Variants in DNAH11 observed in about 807,000 individuals in gnomAD.
DNAH11 encodes dynein axonemal heavy chain 11, also known as axonemal beta dynein heavy chain 11.
DNAH11 carries 442 observed loss-of-function variants against 526.0 expected under a neutral mutation model. The observed-to-expected ratio is 0.84, with a 90% CI of 0.78 to 0.91. The LOEUF (loss-of-function observed/expected upper bound fraction) is 0.91, where lower values mean the gene tolerates loss of function less well. Among genes scored for constraint, DNAH11 ranks in the 40% least tolerant of loss-of-function variants. DNAH11 has a pLI of 0.00. For missense variants in DNAH11, 6,989 were observed against 5,448.7 expected, an observed-to-expected ratio of 1.28 and a Z score of -8.90; for synonymous variants, 2,461 against 1,935.9, an observed-to-expected ratio of 1.27 and a Z score of -7.12.
intron 5 of DNAH11, among the ~76,000 whole-genome samples, chr7:21,562,254 T>G (rs1413179058): frequency 6.6e-6 from 1 of 152,210 alleles, no homozygotes; most frequent in African/African-American, 2.4e-5. Context: ...GTAGGATATT[T>G]AGCAGTATCT....
intron 25 of DNAH11, among the ~76,000 whole-genome samples, chr7:21,621,966 C>T (rs1786083531): frequency 6.6e-6 from 1 of 152,130 alleles, no homozygotes; most frequent in Non-Finnish European, 1.5e-5. Flanking sequence ...AAGTTCTGAC[C>T]AGGGCATTTT....
chr7:21,864,038 A>C (rs7809011), intron 69 of DNAH11, among the ~76,000 whole-genome samples: 1,810 of 152,320 alleles, frequency 0.012, 40 homozygotes, highest in African/African-American at 0.041. Flanking sequence ...CAATGTGTTT[A>C]GTTATACCTA....
chr7:21,836,355 A>G (rs1017957395), intron 65 of DNAH11, among the ~76,000 whole-genome samples: 5 of 152,164 alleles, frequency 3.3e-5, no homozygotes, highest in African/African-American at 1.2e-4. Context: ...AAAGTATACT[A>G]CAAAGCTGTA....
At chr7:21,745,976 C>T (rs1786132280) in intron 51 of DNAH11, among the ~76,000 whole-genome samples, 1 of 152,160 alleles carries the variant, frequency 6.6e-6, no homozygotes, top group Admixed American at 6.5e-5. Flanking sequence ...AGTTAGGCTG[C>T]AGCATAGAGA....
At chr7:21,696,809 G>A (rs1783872430) in intron 35 of DNAH11, among the ~76,000 whole-genome samples, 1 of 152,106 alleles carries the variant, frequency 6.6e-6, no homozygotes, top group African/African-American at 2.4e-5. Context: ...AGAGGAGTGG[G>A]TACCTCATAG....
In DNAH11 at chr7:21,870,595, G is replaced by C. The variant is rs77041584; in HGVS notation, c.11967+1604G>C. 6.7e-3 allele frequency among the ~76,000 whole-genome samples: 1,013 copies of C among 152,280 alleles called. 9 individuals are homozygous for C. The highest frequency in any genetic ancestry group is 0.023 in the African/African-American group (951 of 41,558). ...GCATTCTCATGCTCCCAGTGGCTCA[G>C]ACTGGAGAGAACACTAGGAGGGCTA... On this transcript the variant is annotated intron_variant, in intron 73 of 81. Coordinates refer to ENST00000409508, the MANE Select transcript of DNAH11 (RefSeq NM_001277115.2).
intron 28 of DNAH11, among the ~76,000 whole-genome samples, chr7:21,653,587 A>G (rs1237252156): frequency 2.0e-5 from 3 of 152,200 alleles, no homozygotes; most frequent in Non-Finnish European, 2.9e-5. Flanking sequence ...AAGCCATTCA[A>G]CATCTGTGTA....
At chr7:21,844,108 A>G (rs17145665) in intron 66 of DNAH11, among the ~76,000 whole-genome samples, 8,355 of 152,222 alleles carry the variant, frequency 0.055, 388 homozygotes, top group East Asian at 0.23. Context: ...TCTTTTGGTT[A>G]ATAAAATTTA....
Position 21,558,834 on chromosome 7 carries a change from C to T in DNAH11, c.528C>T (p.Asn176=). 6.2e-7 allele frequency: 1 copy of T among 1,601,290 alleles called. No individual in the cohort carries two copies. The highest frequency in any genetic ancestry group is 8.5e-7 in the Non-Finnish European group (1 of 1,174,842). ...TGCCAGTTCTTTCTAATAAGAACAA[C>T]CATAAGTCCTGGTCCTGTTTTACTT... ...ILVPVLSNKN[N]HKSWSCFTSQ... The change falls in exon 3 of 82, where the codon AAC becomes AAT. Residue 176 remains asparagine, a synonymous_variant. Coordinates refer to ENST00000409508, the MANE Select transcript of DNAH11 (RefSeq NM_001277115.2).
intron 30 of DNAH11, 84 bp from the exon 31 acceptor site, chr7:21,681,462 G>T: frequency 2.9e-6 from 4 of 1,396,014 alleles, no homozygotes; most frequent in East Asian, 2.4e-5. Flanking sequence ...AACTAAATCA[G>T]CCTTTACAAA....
At chr7:21,725,503 A>T (rs1369774470) in intron 44 of DNAH11, among the ~76,000 whole-genome samples, 2 of 152,136 alleles carry the variant, frequency 1.3e-5, no homozygotes. Flanking sequence ...CGCCATTCTT[A>T]TTTTTCCCAT....
chr7:21,782,791 T>A (rs889400857), intron 57 of DNAH11, among the ~76,000 whole-genome samples: 1 of 151,896 alleles, frequency 6.6e-6, no homozygotes. Flanking sequence ...GTGCCTGTAA[T>A]CCCAGCTACT....
intron 38 of DNAH11, among the ~76,000 whole-genome samples, chr7:21,705,043 C>G (rs1343295278): frequency 2.6e-5 from 4 of 152,128 alleles, no homozygotes; most frequent in Non-Finnish European, 4.4e-5. Context: ...CATATCAAAG[C>G]CTCGTGCATA....
Position 21,774,213 on chromosome 7 carries a change from G to A in DNAH11, c.9336+214G>A, listed in dbSNP as rs144611022. Among the ~76,000 whole-genome samples, 67 of 152,212 alleles carry A rather than the reference G, an allele frequency of 4.4e-4. No homozygotes were observed. In the East Asian group the frequency reaches 0.012, roughly 28 times the overall value. On this transcript the variant is annotated intron_variant, in intron 56 of 81. Coordinates refer to ENST00000409508, the MANE Select transcript of DNAH11 (RefSeq NM_001277115.2). ...GATTAGGGTGAAACGTTCTCTTCCT[G>A]GCCTGACTCAGTGTAAGGTAGTGTG...
intron 61 of DNAH11, among the ~76,000 whole-genome samples, chr7:21,800,756 C>G (rs1170978649): frequency 6.6e-6 from 1 of 152,206 alleles, no homozygotes; most frequent in Non-Finnish European, 1.5e-5. Context: ...AGAAACCAAA[C>G]AAGTCACTGT....
chr7:21,689,338 T>C (rs1013320273), intron 34 of DNAH11, among the ~76,000 whole-genome samples: 2 of 152,260 alleles, frequency 1.3e-5, no homozygotes, highest in African/African-American at 4.8e-5. Context: ...TACTCCTTGG[T>C]AGTCTCCTCT....
At chr7:21,687,350 T>G in intron 33 of DNAH11, 32 bp from the exon 34 acceptor site, 1 of 1,588,816 alleles carries the variant, frequency 6.3e-7, no homozygotes, top group African/African-American at 1.3e-5. Flanking sequence ...ACCCCTTCTG[T>G]TAAATTCTGA....
chr7:21,621,774 C>T (rs1207669635), intron 25 of DNAH11, among the ~76,000 whole-genome samples: 1 of 152,112 alleles, frequency 6.6e-6, no homozygotes, highest in Non-Finnish European at 1.5e-5. Context: ...ATTCAACAAC[C>T]TTCATGCTAA....
intron 30 of DNAH11, among the ~76,000 whole-genome samples, chr7:21,672,379 G>A (rs1041861564): frequency 7.2e-5 from 11 of 152,126 alleles, no homozygotes; most frequent in African/African-American, 1.2e-4. Context: ...TCAAACTTAC[G>A]GGCTCAAACA....
Sources: allele counts gnomAD v4.1 joint callset (sites outside exome capture counted in the v4.1 genomes callset), GRCh38; gene constraint gnomAD v4.1.1; transcripts MANE v1.5; gene names NCBI Gene and HGNC (gene_info 2026-07-23, HGNC 2026-07-21).